The following ITIH2 variants were observed in gnomAD, a reference collection of about 807,000 sequenced individuals.
ITIH2 encodes inter-alpha-trypsin inhibitor heavy chain H2.
A neutral mutation model predicts 104.4 loss-of-function variants in ITIH2; 103 were observed. That is an observed-to-expected ratio of 0.99 (90% CI 0.84 to 1.16). The LOEUF (loss-of-function observed/expected upper bound fraction) is 1.16. ITIH2 is among the 50% of genes most tolerant of loss of function. The pLI is 0.00. For synonymous variants in ITIH2, 436 were observed against 435.4 expected, an observed-to-expected ratio of 1.00 and a Z score of -0.02; for missense variants, 1,108 against 1,162.4, an observed-to-expected ratio of 0.95 and a Z score of 0.68.
In ITIH2 at chr10:7,723,969, A is replaced by G. The variant is rs1341862793; in HGVS notation, c.984+402A>G. 2.0e-5 allele frequency among the ~76,000 whole-genome samples: 3 copies of G among 152,156 alleles called. No individual in the cohort carries two copies. In the East Asian group the frequency reaches 5.8e-4, roughly 29 times the overall value. ...TTGCTCTTCCACATGTTTTATTATAATATCTTGTCATTGTCCACATATGAC... is the reference window on the plus strand; with the variant it reads ...TTGCTCTTCCACATGTTTTATTATAGTATCTTGTCATTGTCCACATATGAC... On this transcript the variant is annotated intron_variant, in intron 9 of 20. Transcript: ENST00000358415.
chr10:7,721,805 T>G, intron 8 of ITIH2, 28 bp downstream of exon 8: 1 of 1,611,134 alleles, frequency 6.2e-7, no homozygotes. Flanking sequence ...CTGGTTCTAC[T>G]GCCAAGCTCG....
chr10:7,716,388 C>CA (rs1446083757), intron 5 of ITIH2, among the ~76,000 whole-genome samples: 2 of 152,156 alleles, frequency 1.3e-5, no homozygotes, highest in African/African-American at 2.4e-5. Context: ...ACCTCAAGAT[C>CA]AATGATCACA....
chr10:7,746,067 T>TAA (rs1564308527), intron 19 of ITIH2, among the ~76,000 whole-genome samples: 6 of 51,092 alleles, frequency 1.2e-4, no homozygotes, highest in African/African-American at 5.5e-4. Context: ...AATCTTAAAT[T>TAA]TAAAAAAAAA....
At chr10:7,729,359 C>G (rs116707399) in intron 11 of ITIH2, among the ~76,000 whole-genome samples, 2,669 of 152,092 alleles carry the variant, frequency 0.018, 67 homozygotes, top group African/African-American at 0.058. Context: ...ATCATGGTTT[C>G]TCACTCCTGT....
At chr10:7,720,464 T>C (rs1486869860) in intron 6 of ITIH2, among the ~76,000 whole-genome samples, 1 of 152,034 alleles carries the variant, frequency 6.6e-6, no homozygotes, top group Non-Finnish European at 1.5e-5. Context: ...AACCCAAGAT[T>C]TGGGGAAAAT....
intron 1 of ITIH2, among the ~76,000 whole-genome samples, chr10:7,704,677 T>C (rs1254543321): frequency 1.3e-5 from 2 of 152,118 alleles, no homozygotes; most frequent in African/African-American, 4.8e-5. Context: ...AACCAGCAAA[T>C]AGAAATATAC....
rs1834866181 is a variant in ITIH2 at position 7,717,906 on chromosome 10, G to C, written c.630+118G>C. On this transcript the variant is annotated intron_variant, in intron 6 of 20. Coordinates refer to ENST00000358415, the MANE Select transcript of ITIH2 (RefSeq NM_002216.3). ...TGTTGGATGCCACTCAACTCTACAAGACAGTGGGATGTATTGAAAAGATGG... is the reference window on the plus strand; with the variant it reads ...TGTTGGATGCCACTCAACTCTACAACACAGTGGGATGTATTGAAAAGATGG... 2.4e-5 allele frequency: 23 copies of C among 952,854 alleles called. 2 individuals carry two copies. The South Asian group carries it at 3.9e-4, about 16-fold the overall frequency. 59.0% of individuals were successfully genotyped at this position (952,854 alleles called of 1,614,324 possible).
chr10:7,748,561 T>G (rs1382471877), intron 20 of ITIH2, among the ~76,000 whole-genome samples: 2 of 124,894 alleles, frequency 1.6e-5, no homozygotes, highest in African/African-American at 3.3e-5. Context: ...TTTTTTTTAG[T>G]GACAGAGTCT....
intron 20 of ITIH2, among the ~76,000 whole-genome samples, chr10:7,748,276 A>T (rs1438088542): frequency 6.8e-6 from 1 of 147,680 alleles, no homozygotes; most frequent in Non-Finnish European, 1.5e-5. Flanking sequence ...TATAATGACA[A>T]AAAGTAAATG....
At chr10:7,705,331 G>A in intron 2 of ITIH2, 149 bp downstream of exon 2, 1 of 654,354 alleles carries the variant, frequency 1.5e-6, no homozygotes, top group Non-Finnish European at 2.7e-6. Context: ...CTTGGTGGAA[G>A]AGATCACCCA....
chr10:7,725,147 T>C (rs1834940689), intron 9 of ITIH2, among the ~76,000 whole-genome samples: 1 of 152,188 alleles, frequency 6.6e-6, no homozygotes, highest in African/African-American at 2.4e-5. Context: ...AATGTACAAG[T>C]ACGTTCAATG....
Position 7,744,216 on chromosome 10 carries a change from C to T in ITIH2, c.2344C>T (p.Leu782=), listed in dbSNP as rs768059303. 3 of 1,614,004 alleles carry T rather than the reference C, an allele frequency of 1.9e-6. No homozygotes were observed. The highest frequency in any genetic ancestry group is 2.2e-5 in the East Asian group (1 of 44,894). ...KIEISTETIT[L]SHGSSTFSLS... The stretch of plus-strand genomic sequence containing the variant: ...AGAAATCAGCACTGAGACCATCACC[C>T]TGAGCCATGGTTCTAGCACATTCTC... The change falls in exon 18 of 21, where the codon CTG becomes TTG. Residue 782 remains leucine (L), a synonymous_variant. Coordinates refer to ENST00000358415, the MANE Select transcript of ITIH2 (RefSeq NM_002216.3).
In ITIH2 at chr10:7,749,371, C is replaced by A; in HGVS notation, c.*37C>A. On this transcript the variant is annotated 3_prime_UTR_variant, in exon 21 of 21. Coordinates refer to ENST00000358415, the MANE Select transcript of ITIH2 (RefSeq NM_002216.3). ...TTGGGAAATTATATATATTAATATACATCTTTCCCCTGTCACTTTTGCAGA... is the reference window on the plus strand; with the variant it reads ...TTGGGAAATTATATATATTAATATAAATCTTTCCCCTGTCACTTTTGCAGA... The A allele has an allele frequency of 6.6e-7, 1 of 1,510,698 alleles. No homozygotes were observed. The highest frequency in any genetic ancestry group is 9.1e-7 in the Non-Finnish European group (1 of 1,098,222). 93.6% of individuals were successfully genotyped at this position (1,510,698 alleles called of 1,614,324 possible). A position where few individuals can be genotyped will look rare whatever the true frequency, so the allele number is the denominator to read the frequency against.
At chr10:7,748,489 A>G (rs1212971388) in intron 20 of ITIH2, among the ~76,000 whole-genome samples, 1 of 137,474 alleles carries the variant, frequency 7.3e-6, no homozygotes, top group East Asian at 2.3e-4. Flanking sequence ...AAACACAGAG[A>G]AAGTGCAGTT....
chr10:7,718,922 C>G (rs1834876328), intron 6 of ITIH2, among the ~76,000 whole-genome samples: 2 of 152,212 alleles, frequency 1.3e-5, no homozygotes. Context: ...CATCTGAACT[C>G]ACCTCTGCTG....
chr10:7,725,723 G>C (rs1175683715), intron 9 of ITIH2, among the ~76,000 whole-genome samples: 1 of 152,164 alleles, frequency 6.6e-6, no homozygotes, highest in South Asian at 2.1e-4. Flanking sequence ...AAGTACCCAC[G>C]TTGGCCATGG....
chr10:7,710,900 C>T (rs554743102), intron 4 of ITIH2, among the ~76,000 whole-genome samples: 11 of 151,492 alleles, frequency 7.3e-5, no homozygotes, highest in Non-Finnish European at 1.5e-4. Flanking sequence ...CTCAAAAGAT[C>T]TCTTATTTCT....
Position 7,730,051 on chromosome 10 carries a change from A to AT in ITIH2, c.1385dup (p.Leu462PhefsTer7), listed in dbSNP as rs767806475. 4.3e-6 allele frequency: 7 copies of AT among 1,613,274 alleles called. No homozygotes were observed. The highest frequency in any genetic ancestry group is 4.2e-6 in the Non-Finnish European group (5 of 1,179,282). On this transcript the variant is annotated frameshift_variant, in exon 12 of 21. Transcript: ENST00000358415. LOFTEE classifies it high-confidence loss of function. ...GGCATGGGATTTGATGTGGACTATG[A>AT]TTTTTTGAAGAGACTGTCCAATGAA...
At chr10:7,742,183 CAT>C (rs1020743482) in intron 16 of ITIH2, among the ~76,000 whole-genome samples, 4 of 149,794 alleles carry the variant, frequency 2.7e-5, no homozygotes, top group African/African-American at 9.8e-5. Flanking sequence ...AGTGATTGCA[CAT>C]AGATTTTTTT....
Sources: gnomAD v4.1 joint callset for allele counts (sites outside exome capture counted in the v4.1 genomes callset) on GRCh38, gnomAD v4.1.1 for gene constraint, MANE v1.5 for transcripts, NCBI Gene and HGNC (gene_info 2026-07-23, HGNC 2026-07-21) for gene names.